The following SOX5 variants were observed in gnomAD, a reference collection of about 807,000 sequenced individuals.
SOX5 encodes the protein transcription factor SOX-5.
In SOX5, 9 loss-of-function variants were observed where a neutral mutation model predicts 92.0. That is an observed-to-expected ratio of 0.10 (90% CI 0.06 to 0.17). SOX5 has a LOEUF of 0.17. SOX5 is among the 10% of genes least tolerant of loss of function. The pLI is 1.00. For synonymous variants in SOX5, 344 were observed against 336.3 expected (o/e 1.02, Z -0.25); for missense variants, 642 against 944.5 (o/e 0.68, Z 4.20).
chr12:23,558,476 C>CA (rs148571696), intron 11 of SOX5, among the ~76,000 whole-genome samples: 10,699 of 152,262 alleles, frequency 0.07, 483 homozygotes, highest in Middle Eastern at 0.12. Context: ...GTAGGTGCAG[C>CA]AACCATTTTG....
At chr12:24,085,954 GC>G (rs1717300992) in intron 4 of SOX5, among the ~76,000 whole-genome samples, 1 of 128,010 alleles carries the variant, frequency 7.8e-6, no homozygotes, top group Admixed American at 8.0e-5. Context: ...GAACGGATAT[GC>G]TAAAAAAAAA....
intron 4 of SOX5, among the ~76,000 whole-genome samples, chr12:23,961,617 C>T (rs1569280398): frequency 6.6e-6 from 1 of 152,142 alleles, no homozygotes; most frequent in Admixed American, 6.5e-5. Context: ...TTATCCTAAT[C>T]CATCACCTGT....
intron 8 of SOX5, among the ~76,000 whole-genome samples, chr12:23,635,043 G>C (rs2079043298): frequency 6.6e-6 from 1 of 152,128 alleles, no homozygotes; most frequent in Non-Finnish European, 1.5e-5. Flanking sequence ...GTAGATGCTA[G>C]AAAGTATGAT....
rs553451018 is a variant in SOX5 at position 23,986,654 on chromosome 12, A to T, written c.-1-90630T>A. On this transcript the variant is annotated intron_variant, in intron 4 of 4. Coordinates refer to the SOX5 transcript ENST00000446891. ...ATAACAGATTTGAATGATCCATTTT[A>T]TCATGGACGTGAATGATTTTGTTTT... Among the ~76,000 whole-genome samples the T allele has an allele frequency of 2.0e-5, 3 of 152,328 alleles. No homozygotes were observed. The South Asian group carries it at 6.2e-4, about 32-fold the overall frequency.
intron 1 of SOX5, among the ~76,000 whole-genome samples, chr12:24,382,823 G>A (rs1037898288): frequency 6.6e-6 from 1 of 152,036 alleles, no homozygotes; most frequent in African/African-American, 2.4e-5. Context: ...ATGATAATGA[G>A]GTTTTGGTTC....
chr12:24,119,042 T>A (rs1055565129), intron 4 of SOX5, among the ~76,000 whole-genome samples: 2 of 121,790 alleles, frequency 1.6e-5, no homozygotes, highest in African/African-American at 6.1e-5. Flanking sequence ...ATGAGGAATA[T>A]TTTTTTTAAT....
intron 4 of SOX5, among the ~76,000 whole-genome samples, chr12:24,006,761 A>T (rs1952218806): frequency 8.1e-6 from 1 of 124,168 alleles, no homozygotes; most frequent in South Asian, 2.4e-4. Context: ...TGGCTGTTTT[A>T]AAAAAAAATC....
At chr12:23,918,551 T>C (rs1456937150) in intron 1 of SOX5, among the ~76,000 whole-genome samples, 1 of 152,224 alleles carries the variant, frequency 6.6e-6, no homozygotes, top group Non-Finnish European at 1.5e-5. Flanking sequence ...GTTGTAAGGA[T>C]TTGGCATATA....
chr12:24,174,712 T>C (rs962834941), intron 4 of SOX5, among the ~76,000 whole-genome samples: 23 of 151,958 alleles, frequency 1.5e-4, no homozygotes, highest in Admixed American at 7.9e-4. Flanking sequence ...TCCCAGCTGC[T>C]CAGGAGGCTG....
intron 1 of SOX5, among the ~76,000 whole-genome samples, chr12:23,942,628 C>T (rs536435674): frequency 4.7e-5 from 7 of 148,800 alleles, no homozygotes; most frequent in Non-Finnish European, 8.9e-5. Context: ...CCTTAAACTG[C>T]CAATATCAAA....
At chr12:24,300,254 T>C (rs1012953561) in intron 2 of SOX5, among the ~76,000 whole-genome samples, 1 of 152,252 alleles carries the variant, frequency 6.6e-6, no homozygotes, top group Non-Finnish European at 1.5e-5. Flanking sequence ...CCTGTGGATA[T>C]AGGAAAGGGA....
chr12:24,124,571 A>G (rs1487707227), intron 4 of SOX5, among the ~76,000 whole-genome samples: 2 of 136,532 alleles, frequency 1.5e-5, no homozygotes, highest in Admixed American at 1.4e-4. Flanking sequence ...ACAAAAAAAA[A>G]AAAAGAAAAA....
At chr12:24,372,891 G>T (rs1042842284) in intron 1 of SOX5, among the ~76,000 whole-genome samples, 1 of 150,766 alleles carries the variant, frequency 6.6e-6, no homozygotes, top group Non-Finnish European at 1.5e-5. Context: ...GCCAAGGTGG[G>T]TCGCCTGAGC....
At chr12:23,909,288 C>T (rs903067999) in intron 1 of SOX5, among the ~76,000 whole-genome samples, 2 of 152,150 alleles carry the variant, frequency 1.3e-5, no homozygotes, top group African/African-American at 4.8e-5. Flanking sequence ...CAGTTCTATG[C>T]CTTGGCACAT....
At chr12:24,230,975 A>C (rs1174864996) in intron 3 of SOX5, among the ~76,000 whole-genome samples, 10 of 152,250 alleles carry the variant, frequency 6.6e-5, no homozygotes, top group Non-Finnish European at 1.0e-4. Flanking sequence ...CTAGTAAAGT[A>C]CTTGGTCCTC....
chr12:24,232,637 C>T (rs1014618362), intron 3 of SOX5, among the ~76,000 whole-genome samples: 2 of 152,028 alleles, frequency 1.3e-5, no homozygotes, highest in Admixed American at 1.3e-4. Context: ...ATGAGTCAAA[C>T]CTCCTGATTT....
At chr12:24,372,856 G>A (rs544499642) in intron 1 of SOX5, among the ~76,000 whole-genome samples, 17 of 151,002 alleles carry the variant, frequency 1.1e-4, no homozygotes, top group African/African-American at 3.4e-4. Flanking sequence ...AGTGGCTCAC[G>A]TCTGTAATCC....
intron 4 of SOX5, among the ~76,000 whole-genome samples, chr12:24,169,161 T>C (rs1371946073): frequency 1.3e-5 from 2 of 152,034 alleles, no homozygotes; most frequent in South Asian, 2.1e-4. Flanking sequence ...CTCAAGTAAA[T>C]AGAAGTCATT....
chr12:23,951,444 C>CT (rs200867616), upstream of SOX5, among the ~76,000 whole-genome samples: 1,462 of 151,822 alleles, frequency 9.6e-3, 21 homozygotes, highest in South Asian at 0.058. Flanking sequence ...TTAGGTCCCA[C>CT]TTTTTTTTCT....
Sources: allele counts gnomAD v4.1 joint callset (sites outside exome capture counted in the v4.1 genomes callset), GRCh38; gene constraint gnomAD v4.1.1; transcripts MANE v1.5; gene names NCBI Gene and HGNC (gene_info 2026-07-23, HGNC 2026-07-21).